The following PROC variants were observed in gnomAD, a reference collection of about 807,000 sequenced individuals.
PROC encodes the protein protein C, inactivator of coagulation factors Va and VIIIa.
PROC carries 22 observed loss-of-function variants against 36.3 expected under a neutral mutation model. The observed-to-expected ratio is 0.61, with a 90% CI of 0.43 to 0.86. The LOEUF (loss-of-function observed/expected upper bound fraction) is 0.86, where lower values mean the gene tolerates loss of function less well. Ranked by LOEUF, PROC falls within the 40% of genes least tolerant of loss-of-function variation. The probability of loss-of-function intolerance (pLI) is 0.00; values close to 1 mark genes in which losing one functional copy is unlikely to be tolerated. For synonymous variants in PROC, 218 were observed against 244.5 expected (o/e 0.89, Z 1.01); for missense variants, 526 against 629.7 (o/e 0.84, Z 1.76).
chr2:127,427,585 G>A (rs1424890022), intron 8 of PROC, among the ~76,000 whole-genome samples: 1 of 152,158 alleles, frequency 6.6e-6, no homozygotes, highest in Non-Finnish European at 1.5e-5. Context: ...CCTCAGGGCT[G>A]TGCCTCCCAC....
intron 5 of PROC, 48 bp from the exon 6 acceptor site, chr2:127,423,225 TG>T (rs1418043897): frequency 6.6e-7 from 1 of 1,521,166 alleles, no homozygotes; most frequent in Non-Finnish European, 8.8e-7. Flanking sequence ...GGGGCCGGGT[TG>T]GGGGCGCGGC....
At chr2:127,419,887 G>A (rs935110460) in intron 1 of PROC, 35 bp from the exon 2 acceptor site, 1 of 1,613,488 alleles carries the variant, frequency 6.2e-7, no homozygotes, top group Non-Finnish European at 8.5e-7. Flanking sequence ...AGCAGCGGGG[G>A]TAGGCACTGC....
rs769525590 is a variant in PROC at position 127,423,293 on chromosome 2, C to T, written c.420C>T (p.Cys140=). The T allele has an allele frequency of 3.2e-6, 5 of 1,550,094 alleles. No individual in the cohort carries two copies. The highest frequency in any genetic ancestry group is 4.4e-6 in the Non-Finnish European group (5 of 1,147,054). The change falls in exon 6 of 9, where the codon TGC becomes TGT. Residue 140 remains cysteine, a synonymous_variant. Transcript: ENST00000234071. ...CCGCAGAGGTGAGCTTCCTCAATTG[C>T]TCGCTGGACAACGGCGGCTGCACGC... ...FCQREVSFLN[C]SLDNGGCTHY... is the part of the protein sequence containing the mutation.
At chr2:127,425,745 G>A (rs961514994) in intron 6 of PROC, among the ~76,000 whole-genome samples, 6 of 147,264 alleles carry the variant, frequency 4.1e-5, no homozygotes, top group African/African-American at 1.0e-4. Context: ...ACTGACTGGA[G>A]GGGGTTTGTA....
intron 6 of PROC, among the ~76,000 whole-genome samples, chr2:127,425,345 C>T (rs546911301): frequency 8.5e-5 from 13 of 152,362 alleles, no homozygotes; most frequent in South Asian, 4.1e-4. Flanking sequence ...CCCCTGCTGA[C>T]GACGTCCCAT....
At chr2:127,427,288 T>A in intron 8 of PROC, 66 bp downstream of exon 8, 1 of 1,465,328 alleles carries the variant, frequency 6.8e-7, no homozygotes, top group Admixed American at 1.7e-5. Context: ...GGCAGGCTGT[T>A]CAGGTTTGGG....
chr2:127,421,253 A>G, intron 2 of PROC, 30 bp from the exon 3 acceptor site: 1 of 1,610,354 alleles, frequency 6.2e-7, no homozygotes. Context: ...CCCCTCCACC[A>G]AGGTGAGCTC....
intron 2 of PROC, among the ~76,000 whole-genome samples, chr2:127,420,644 A>G (rs1003339434): frequency 6.6e-6 from 1 of 151,536 alleles, no homozygotes; most frequent in South Asian, 2.1e-4. Flanking sequence ...CACACCCCCA[A>G]CTTGATCTCT....
Position 127,423,119 on chromosome 2 carries a change from C to T in PROC, c.348C>T (p.Gly116=), listed in dbSNP as rs1375112342. Reference sequence around the variant, plus strand: ...ACGGCACGTGCATCGACGGCATCGGCAGCTTCAGCTGCGACTGCCGCAGCG... The same window carrying T: ...ACGGCACGTGCATCGACGGCATCGGTAGCTTCAGCTGCGACTGCCGCAGCG... ...CGHGTCIDGI[G]SFSCDCRSGW... Residue 116 remains glycine (G), a synonymous_variant, in exon 5 of 9, where the codon GGC becomes GGT. Transcript: ENST00000234071. 1.2e-6 allele frequency: 2 copies of T among 1,607,832 alleles called. No homozygotes were observed. The highest frequency in any genetic ancestry group is 1.7e-6 in the Non-Finnish European group (2 of 1,177,476).
Position 127,428,565 on chromosome 2 carries a change from G to A in PROC, c.1005G>A (p.Gln335=). 2 of 1,613,896 alleles carry A rather than the reference G, an allele frequency of 1.2e-6. No homozygotes were observed. Among genetic ancestry groups the A allele is most frequent in the East Asian group, 4.5e-5 (2 of 44,884 alleles). Residue 335 remains glutamine, a synonymous_variant, in exon 9 of 9, where the codon CAG becomes CAA. Coordinates refer to ENST00000234071, the MANE Select transcript of PROC (RefSeq NM_000312.4). The part of the protein sequence containing the change: ...LAERELNQAG[Q]ETLVTGWGYH... ...AGCGCGAGCTCAATCAGGCCGGCCAGGAGACCCTCGTGACGGGCTGGGGCT... is the reference window on the plus strand; with the variant it reads ...AGCGCGAGCTCAATCAGGCCGGCCAAGAGACCCTCGTGACGGGCTGGGGCT...
At chr2:127,427,735 T>C (rs1688613016) in intron 8 of PROC, among the ~76,000 whole-genome samples, 1 of 152,204 alleles carries the variant, frequency 6.6e-6, no homozygotes, top group Non-Finnish European at 1.5e-5. Context: ...GCTCAACTCT[T>C]TATGCCAAAA....
chr2:127,425,987 T>C lies in PROC; in HGVS notation c.536-98T>C. 6 of 1,470,386 alleles carry C rather than the reference T, an allele frequency of 4.1e-6. 1 individual carries two copies. In the South Asian group the frequency reaches 4.6e-5, roughly 11 times the overall value. The allele number at this position is 1,470,386 out of a possible 1,614,324, so 91.1% of individuals were successfully genotyped here. The stretch of plus-strand genomic sequence containing the variant: ...ATCATTGGTTCCTTGAACCCTGCAC[T>C]GTGGCAAAGTGGCCCACAGGCTGGA... On this transcript the variant is annotated intron_variant, in intron 6 of 8. Coordinates refer to ENST00000234071, the MANE Select transcript of PROC (RefSeq NM_000312.4).
chr2:127,419,069 T>TAA (rs1462569889), intron 1 of PROC, among the ~76,000 whole-genome samples: 2 of 152,170 alleles, frequency 1.3e-5, no homozygotes, highest in East Asian at 3.9e-4. Context: ...CTTGCCTCAG[T>TAA]CTTCCGAGTC....
In PROC at chr2:127,429,106, C is replaced by T; in HGVS notation, c.*160C>T. On this transcript the variant is annotated 3_prime_UTR_variant, in exon 9 of 9. Transcript: ENST00000234071. ...TGAGCACCTGTTGTATGTCACATGC[C>T]TTATGAATAGAATCTTAACTCCTAG... 1 of 785,418 alleles carries T rather than the reference C, an allele frequency of 1.3e-6. No homozygotes were observed. Among genetic ancestry groups the T allele is most frequent in the South Asian group, 1.7e-5 (1 of 58,166 alleles). The allele number at this position is 785,418 out of a possible 1,614,324, so 48.7% of individuals were successfully genotyped here.
intron 1 of PROC, among the ~76,000 whole-genome samples, chr2:127,419,144 C>CG (rs1471255683): frequency 6.6e-6 from 1 of 152,154 alleles, no homozygotes; most frequent in East Asian, 1.9e-4. Flanking sequence ...AGAATCTGAT[C>CG]GATCCCCTGG....
chr2:127,429,055 C>A lies in PROC; in HGVS notation c.*109C>A. 1 of 1,288,528 alleles carries A rather than the reference C, an allele frequency of 7.8e-7. No individual in the cohort carries two copies. The highest frequency in any genetic ancestry group is 1.1e-6 in the Non-Finnish European group (1 of 901,158). 79.8% of individuals were successfully genotyped at this position (1,288,528 alleles called of 1,614,324 possible). ...TCTGTCCTTCCATCCCTCTTTTGGGCTCTTCTGGAGGGAAGTAACATTTAC... is the reference window on the plus strand; with the variant it reads ...TCTGTCCTTCCATCCCTCTTTTGGGATCTTCTGGAGGGAAGTAACATTTAC... On this transcript the variant is annotated 3_prime_UTR_variant, in exon 9 of 9. Coordinates refer to ENST00000234071, the MANE Select transcript of PROC (RefSeq NM_000312.4).
In PROC at chr2:127,428,548, C is replaced by T; in HGVS notation, c.988C>T (p.Leu330Phe). 1 of 1,613,928 alleles carries T rather than the reference C, an allele frequency of 6.2e-7. No homozygotes were observed. The highest frequency in any genetic ancestry group is 8.5e-7 in the Non-Finnish European group (1 of 1,180,038). Residue 330 changes from leucine to phenylalanine, a missense_variant, in exon 9 of 9, where the codon CTC becomes TTC. Leu to Phe is a conservative substitution (Grantham distance 22). Transcript: ENST00000234071. ...LPDSGLAERELNQAGQETLVT... is the reference protein window; with the variant it reads ...LPDSGLAEREFNQAGQETLVT... ...GGACAGCGGCCTTGCAGAGCGCGAG[C>T]TCAATCAGGCCGGCCAGGAGACCCT...
rs121918145 is a variant in PROC, at chr2:127,426,178, C to T, written c.629C>T (p.Pro210Leu). 8.7e-6 allele frequency: 14 copies of T among 1,613,978 alleles called. No homozygotes were observed. The highest frequency in any genetic ancestry group is 2.2e-5 in the East Asian group (1 of 44,894). The stretch of plus-strand genomic sequence containing the variant: ...GAAGACCAAGAAGACCAAGTAGATC[C>T]GCGGCTCATTGATGGGAAGATGACC... ...DTEDQEDQVD[P>L]RLIDGKMTRR... Residue 210 changes from proline to leucine, a missense_variant, in exon 7 of 9, where the codon CCG (proline) becomes CTG (leucine). Transcript: ENST00000234071. This position sits in a 1 kb window ranked among gnomAD's most constrained non-coding sequence, Gnocchi z 7.0.
At chr2:127,422,752 G>A (rs1467147892) in intron 3 of PROC, among the ~76,000 whole-genome samples, 165 bp from the exon 4 acceptor site, 1 of 151,944 alleles carries the variant, frequency 6.6e-6, no homozygotes, top group East Asian at 1.9e-4. Context: ...CGGGGGAGGG[G>A]CAGGGAGCAC....
Sources: gnomAD v4.1 joint callset for allele counts (sites outside exome capture counted in the v4.1 genomes callset) on GRCh38, gnomAD v4.1.1 for gene constraint, Gnocchi (gnomAD v3.1) non-coding constraint, MANE v1.5 for transcripts, NCBI Gene and HGNC (gene_info 2026-07-23, HGNC 2026-07-21) for gene names.